Variants in DPP6 observed in about 807,000 individuals in gnomAD.
DPP6 encodes dipeptidyl peptidase like 6.
A neutral mutation model predicts 122.6 loss-of-function variants in DPP6; 69 were observed. That is an observed-to-expected ratio of 0.56 (90% CI 0.46 to 0.69). The LOEUF (loss-of-function observed/expected upper bound fraction) is 0.69, where lower values mean the gene tolerates loss of function less well. DPP6 is among the 30% of genes least tolerant of loss of function. The probability of loss-of-function intolerance (pLI) is 0.00; values close to 1 mark genes in which losing one functional copy is unlikely to be tolerated. For missense variants in DPP6, 928 were observed against 1,116.9 expected, an observed-to-expected ratio of 0.83 and a Z score of 2.41; for synonymous variants, 418 against 433.1, an observed-to-expected ratio of 0.97 and a Z score of 0.43.
intron 1 of DPP6, among the ~76,000 whole-genome samples, chr7:154,221,809 A>C (rs1324383985): frequency 6.6e-6 from 1 of 152,190 alleles, no homozygotes. Context: ...CGGATGAACA[A>C]TGTTGGAAGT....
At chr7:154,523,238 G>A (rs911496893) in intron 3 of DPP6, among the ~76,000 whole-genome samples, 1 of 152,036 alleles carries the variant, frequency 6.6e-6, no homozygotes, top group East Asian at 1.9e-4. Flanking sequence ...TTTTTGAGAC[G>A]GAGTCTTACC....
intron 1 of DPP6, among the ~76,000 whole-genome samples, chr7:154,356,675 A>C (rs1396090584): frequency 6.6e-6 from 1 of 152,194 alleles, no homozygotes; most frequent in African/African-American, 2.4e-5. Flanking sequence ...TGGGCTTCTC[A>C]ATCATTTCAA....
the DPP6 span, among the ~76,000 whole-genome samples, chr7:153,833,065 T>A: frequency 6.6e-6 from 1 of 152,218 alleles, no homozygotes; most frequent in Non-Finnish European, 1.5e-5. Flanking sequence ...TCTTCAACAT[T>A]TGTTTAGAGA....
chr7:154,883,803 G>A (rs62649268), intron 21 of DPP6: 41,564 of 125,566 alleles, frequency 0.33, 6,357 homozygotes, highest in Middle Eastern at 0.56. Context: ...ACCGACTCAC[G>A]CACACATGCT....
chr7:153,869,053 A>G, the DPP6 span, among the ~76,000 whole-genome samples: 1 of 152,122 alleles, frequency 6.6e-6, no homozygotes, highest in Non-Finnish European at 1.5e-5. Context: ...ACATTTGCTG[A>G]GGAGTGCTTT....
At chr7:154,588,724 CT>C (rs1367284595) in intron 5 of DPP6, 1 of 149,372 alleles carries the variant, frequency 6.7e-6, no homozygotes, top group Non-Finnish European at 1.5e-5. Flanking sequence ...TTAAAATAAT[CT>C]TGTGGTCTTT....
intron 1 of DPP6, among the ~76,000 whole-genome samples, chr7:154,121,790 C>T (rs1044838990): frequency 6.6e-5 from 10 of 152,184 alleles, no homozygotes; most frequent in African/African-American, 2.4e-4. Flanking sequence ...TAATATACCT[C>T]GCTTCTAATG....
Position 153,946,305 on chromosome 7 carries a change from G to C in DPP6, c.51+58571G>C, listed in dbSNP as rs908394132. 2.0e-5 allele frequency among the ~76,000 whole-genome samples: 3 copies of C among 152,298 alleles called. No homozygotes were observed. The South Asian group carries it at 6.2e-4, about 32-fold the overall frequency. ...TGGATCATATGCTAAACAAGGGCTG[G>C]ATCATTCATGAGTTTTCCAGGTTGG... On this transcript the variant is annotated intron_variant, in intron 1 of 25. Coordinates refer to the DPP6 transcript ENST00000404039.
At chr7:154,588,233 G>T in intron 5 of DPP6, 1 of 1,356,010 alleles carries the variant, frequency 7.4e-7, no homozygotes. Flanking sequence ...GGGAGGGAGG[G>T]ACCCTCCACT....
chr7:154,889,261 C>T lies in DPP6; in HGVS notation c.2305-11C>T, dbSNP rs558267753. Reference sequence around the variant, plus strand: ...CCCCCTAACTCTGTCCCCTTGCCCCCGCATGTGCAGATGACCAAGGTAGCC... The same window carrying T: ...CCCCCTAACTCTGTCCCCTTGCCCCTGCATGTGCAGATGACCAAGGTAGCC... On this transcript the variant is annotated splice_polypyrimidine_tract_variant and intron_variant, in intron 23 of 25. Coordinates refer to ENST00000377770, the MANE Select transcript of DPP6 (RefSeq NM_130797.4). 6.7e-5 allele frequency: 108 copies of T among 1,611,604 alleles called. No individual in the cohort carries two copies. The highest frequency in any genetic ancestry group is 1.7e-4 in the Middle Eastern group (1 of 6,056).
chr7:154,737,738 G>A (rs1210366797), intron 8 of DPP6, among the ~76,000 whole-genome samples: 1 of 152,156 alleles, frequency 6.6e-6, no homozygotes, highest in South Asian at 2.1e-4. Flanking sequence ...CAAGTTCTGG[G>A]TGCAGCATCC....
chr7:154,824,417 T>G (rs1330226408), intron 16 of DPP6, among the ~76,000 whole-genome samples: 1 of 152,146 alleles, frequency 6.6e-6, no homozygotes, highest in East Asian at 1.9e-4. Flanking sequence ...GTAGCTGGGA[T>G]TACAGGCATG....
chr7:154,775,017 G>T (rs950846770), intron 10 of DPP6, among the ~76,000 whole-genome samples: 1 of 152,202 alleles, frequency 6.6e-6, no homozygotes, highest in African/African-American at 2.4e-5. Flanking sequence ...CCTGTGTGCC[G>T]TAGAGCACTA....
the DPP6 span, among the ~76,000 whole-genome samples, chr7:153,865,706 G>A: frequency 7.2e-5 from 11 of 152,006 alleles, no homozygotes; most frequent in African/African-American, 9.7e-5. Context: ...CAACGTGCAC[G>A]TTTGTTACAT....
intron 1 of DPP6, among the ~76,000 whole-genome samples, chr7:154,157,219 C>G (rs1453786128): frequency 6.6e-6 from 1 of 152,230 alleles, no homozygotes; most frequent in African/African-American, 2.4e-5. Flanking sequence ...AATTTCAGAG[C>G]CAAGAGAAAA....
chr7:154,698,977 G>A (rs1428728854), intron 7 of DPP6, among the ~76,000 whole-genome samples: 9 of 152,180 alleles, frequency 5.9e-5, no homozygotes, highest in South Asian at 2.1e-4. Flanking sequence ...ACGGGATAAC[G>A]AGCCCCTGTA....
intron 5 of DPP6, among the ~76,000 whole-genome samples, chr7:154,591,989 G>A (rs1410312804): frequency 1.3e-5 from 2 of 152,208 alleles, no homozygotes; most frequent in East Asian, 1.9e-4. Flanking sequence ...GTAGAACAGG[G>A]GCGGCTACTG....
At chr7:153,943,654 T>A (rs1801801183) in intron 1 of DPP6, among the ~76,000 whole-genome samples, 1 of 152,150 alleles carries the variant, frequency 6.6e-6, no homozygotes, top group African/African-American at 2.4e-5. Flanking sequence ...AGCCACACAC[T>A]CAGCTCCATT....
rs71182894 is a variant in DPP6 at position 154,320,001 on chromosome 7, A to AATAT, written c.244-126186_244-126183dup. On this transcript the variant is annotated intron_variant, in intron 1 of 25. Transcript: ENST00000377770. ...GCAAGACTCTGTCTCAAATATTTCA[A>AATAT]ATATATATATATATATATATATATA... Among the ~76,000 whole-genome samples the AATAT allele has an allele frequency of 8.0e-3, 1,118 of 139,250 alleles. 10 individuals carry two copies. The highest frequency in any genetic ancestry group is 0.011 in the East Asian group (49 of 4,664). 91.4% of individuals were successfully genotyped at this position (139,250 alleles called of 152,430 possible). A position where few individuals can be genotyped will look rare whatever the true frequency, so the allele number is the denominator to read the frequency against.
Sources: allele counts gnomAD v4.1 joint callset (sites outside exome capture counted in the v4.1 genomes callset), GRCh38; gene constraint gnomAD v4.1.1; transcripts MANE v1.5; gene names NCBI Gene and HGNC (gene_info 2026-07-23, HGNC 2026-07-21).